Variants in NBAS observed in about 807,000 individuals in gnomAD.
The protein encoded by NBAS is NAG/BC035112 fusion.
In NBAS, 219 loss-of-function variants were observed where a neutral mutation model predicts 302.5. The observed-to-expected ratio is 0.72, with a 90% CI of 0.65 to 0.81. The LOEUF is 0.81. Ranked by LOEUF, NBAS falls within the 30% of genes least tolerant of loss-of-function variation. The probability of loss-of-function intolerance (pLI) is 0.00; values close to 1 mark genes in which losing one functional copy is unlikely to be tolerated. For missense variants in NBAS, 2,932 were observed against 2,841.6 expected (o/e 1.03, Z -0.72); for synonymous variants, 1,118 against 1,021.6 (o/e 1.09, Z -1.80).
chr2:15,420,417 A>C (rs1430219670), intron 23 of NBAS, among the ~76,000 whole-genome samples: 1 of 152,200 alleles, frequency 6.6e-6, no homozygotes, highest in African/African-American at 2.4e-5. Context: ...CAAAAAGCAG[A>C]GTGGCTATTT....
chr2:15,290,028 AGAGAG>A (rs1169417899), intron 41 of NBAS, among the ~76,000 whole-genome samples: 1 of 148,276 alleles, frequency 6.7e-6, no homozygotes, highest in Non-Finnish European at 1.5e-5. Flanking sequence ...AGAGAGGAGA[AGAGAG>A]GAGAGGAGAA....
intron 44 of NBAS, among the ~76,000 whole-genome samples, chr2:15,268,877 T>C (rs1427372120): frequency 1.3e-5 from 2 of 152,218 alleles, no homozygotes; most frequent in Non-Finnish European, 2.9e-5. Context: ...TTATTACTTT[T>C]TCCTGATTAA....
At chr2:15,418,929 T>G (rs538111209) in intron 23 of NBAS, among the ~76,000 whole-genome samples, 197 of 152,164 alleles carry the variant, frequency 1.3e-3, no homozygotes, top group African/African-American at 4.6e-3. Context: ...AGAGCTACAC[T>G]TTGGAAGGAA....
intron 36 of NBAS, among the ~76,000 whole-genome samples, chr2:15,329,013 AACTACC>A (rs1353352327): frequency 3.3e-5 from 5 of 152,128 alleles, no homozygotes; most frequent in Non-Finnish European, 7.4e-5. Flanking sequence ...TCTCTTTCAC[AACTACC>A]ACCCCACACA....
rs941842958 is a variant in NBAS at position 15,466,852 on chromosome 2, G to A, written c.2097+477C>T. ...CTCAGGAGGCTAAGGGATGAGAATC[G>A]CCTGAACCCAGGAGGCAGAGGTTGC... On this transcript the variant is annotated intron_variant, in intron 19 of 51. Coordinates refer to ENST00000281513, the MANE Select transcript of NBAS (RefSeq NM_015909.4). Among the ~76,000 whole-genome samples the A allele has an allele frequency of 2.0e-5, 3 of 151,322 alleles. No individual in the cohort carries two copies. The East Asian group carries it at 5.8e-4, about 29-fold the overall frequency.
chr2:15,083,134 A>C, the NBAS span, among the ~76,000 whole-genome samples: 3 of 152,212 alleles, frequency 2.0e-5, no homozygotes, highest in Admixed American at 6.5e-5. Context: ...AGCTCATCTT[A>C]AGTGGAGGGA....
chr2:15,402,078 C>T (rs1180103299), intron 26 of NBAS, 90 bp downstream of exon 26: 2 of 1,424,796 alleles, frequency 1.4e-6, no homozygotes, highest in Non-Finnish European at 2.0e-6. Flanking sequence ...TCCCAAAATT[C>T]TCTAAGGTAA....
chr2:14,890,779 C>A, the NBAS span: 1 of 157,960 alleles, frequency 6.3e-6, no homozygotes, highest in East Asian at 1.8e-4. Context: ...GATCGGATCG[C>A]ACCATTGCAC....
At position 15,181,485 on chromosome 2, in the gene NBAS, A is replaced by T. The variant is rs576826254; in HGVS notation, c.6712-2369T>A. On this transcript the variant is annotated intron_variant, in intron 50 of 51. Transcript: ENST00000281513. Reference sequence around the variant, plus strand: ...GTTTGCTACTTTCCCCCTGTGTTGCAAGAGAACGTTTATTAAGAGATTTAC... The same window carrying T: ...GTTTGCTACTTTCCCCCTGTGTTGCTAGAGAACGTTTATTAAGAGATTTAC... Among the ~76,000 whole-genome samples, 4 of 152,326 alleles carry T rather than the reference A, an allele frequency of 2.6e-5. No homozygotes were observed. The East Asian group carries it at 7.7e-4, about 29-fold the overall frequency.
chr2:14,908,489 C>T, the NBAS span, among the ~76,000 whole-genome samples: 1 of 152,230 alleles, frequency 6.6e-6, no homozygotes, highest in African/African-American at 2.4e-5. Context: ...TAGATACTAG[C>T]ATGTTTTTTA....
the NBAS span, among the ~76,000 whole-genome samples, chr2:14,975,270 G>A: frequency 6.6e-6 from 1 of 152,212 alleles, no homozygotes; most frequent in Non-Finnish European, 1.5e-5. Flanking sequence ...AAAGGGTATT[G>A]TTTTAAGCTG....
At chr2:14,813,356 G>A in the NBAS span, among the ~76,000 whole-genome samples, 90 of 152,282 alleles carry the variant, frequency 5.9e-4, no homozygotes, top group African/African-American at 2.1e-3. Flanking sequence ...AATACTGATA[G>A]TGATATGGAC....
At chr2:14,851,462 C>T in the NBAS span, among the ~76,000 whole-genome samples, 1 of 149,294 alleles carries the variant, frequency 6.7e-6, no homozygotes, top group Non-Finnish European at 1.5e-5. Flanking sequence ...AAAAAGAGTC[C>T]AGGACCAGAT....
chr2:15,427,658 A>G, intron 22 of NBAS, 53 bp downstream of exon 22: 8 of 1,412,000 alleles, frequency 5.7e-6, no homozygotes, highest in Non-Finnish European at 6.9e-6. Flanking sequence ...CAGGGCCATC[A>G]GTTCACCCAT....
At chr2:14,991,702 G>T in the NBAS span, among the ~76,000 whole-genome samples, 1 of 152,198 alleles carries the variant, frequency 6.6e-6, no homozygotes, top group African/African-American at 2.4e-5. Context: ...ATGGTCCAAG[G>T]ACCATCAGCA....
intron 28 of NBAS, among the ~76,000 whole-genome samples, chr2:15,391,399 A>G (rs1675597539): frequency 6.6e-6 from 1 of 152,116 alleles, no homozygotes; most frequent in Non-Finnish European, 1.5e-5. Context: ...CTCTTAATGA[A>G]AAATATAATG....
intron 31 of NBAS, among the ~76,000 whole-genome samples, chr2:15,371,949 G>T (rs1997304): frequency 0.62 from 94,980 of 151,974 alleles, 30,423 homozygotes; most frequent in Middle Eastern, 0.68. Flanking sequence ...CATTGATATT[G>T]TACAGTCCTT....
At chr2:15,256,851 T>A (rs776523683) in intron 44 of NBAS, among the ~76,000 whole-genome samples, 10 of 152,230 alleles carry the variant, frequency 6.6e-5, no homozygotes, top group Non-Finnish European at 1.5e-4. Context: ...TTATGTGATA[T>A]ATCACATTTA....
the NBAS span, among the ~76,000 whole-genome samples, chr2:15,028,587 T>C: frequency 1.3e-5 from 2 of 152,236 alleles, no homozygotes; most frequent in South Asian, 2.1e-4. Flanking sequence ...TATGAGGCCC[T>C]GCATAATTGA....
Sources: allele counts gnomAD v4.1 joint callset (sites outside exome capture counted in the v4.1 genomes callset), GRCh38; gene constraint gnomAD v4.1.1; transcripts MANE v1.5; gene names NCBI Gene and HGNC (gene_info 2026-07-23, HGNC 2026-07-21).